CALHM4: variants seen among roughly 807,000 people sequenced by gnomAD.
CALHM4 encodes calcium homeostasis modulator protein 4.
In CALHM4, 16 loss-of-function variants were observed where a neutral mutation model predicts 13.3. The observed-to-expected ratio is 1.20, with a 90% CI of 0.81 to 1.82. CALHM4 has a LOEUF of 1.82. Among genes scored for constraint, CALHM4 ranks in the 40% most tolerant of loss-of-function variants. The pLI is 0.00. For synonymous variants in CALHM4, 127 were observed against 137.1 expected, an observed-to-expected ratio of 0.93 and a Z score of 0.52; for missense variants, 344 against 374.9, an observed-to-expected ratio of 0.92 and a Z score of 0.68.
In CALHM4 at chr6:116,538,660, T is replaced by C. The variant is rs571444867; in HGVS notation, c.-108-5105T>C. Among the ~76,000 whole-genome samples, 144 of 152,274 alleles carry C rather than the reference T, an allele frequency of 9.5e-4. 3 individuals are homozygous for C. The highest frequency in any genetic ancestry group is 9.3e-3 in the Admixed American group (142 of 15,282). On this transcript the variant is annotated intron_variant, in intron 1 of 2. Transcript: ENST00000368597. ...GAGTCAGGTTTTATTTTCCACATTA[T>C]ATAAGTTTTCAGATTATTGGTCAAT... is the stretch of plus-strand genomic sequence containing the variant.
chr6:116,547,495 G>T (rs1243484429), intron 2 of CALHM4, among the ~76,000 whole-genome samples: 1 of 152,148 alleles, frequency 6.6e-6, no homozygotes, highest in African/African-American at 2.4e-5. Context: ...CAGAGCCCCT[G>T]CCAGGTGCTA....
rs1437963823 is a variant in CALHM4, at chr6:116,560,659, G to A, written c.*2448G>A. Among the ~76,000 whole-genome samples, 1 of 146,586 alleles carries A rather than the reference G, an allele frequency of 6.8e-6. No homozygotes were observed. The highest frequency in any genetic ancestry group is 2.1e-4 in the East Asian group (1 of 4,832). On this transcript the variant is annotated 3_prime_UTR_variant, in exon 2 of 2. Transcript: ENST00000368596. ...GGAATTTTTAGTATTTTGGGGGGGG[G>A]GGGGGCTATGGTCTATAGCATTTTT...
At chr6:116,552,012 G>C (rs947537423), upstream of CALHM4, among the ~76,000 whole-genome samples, 1 of 152,120 alleles carries the variant, frequency 6.6e-6, no homozygotes, top group African/African-American at 2.4e-5. Context: ...GATTATACTT[G>C]TGCCCATCAT....
rs374037363 is a variant in CALHM4, at chr6:116,533,813, G to T, written c.-109+4623G>T. ...TCCTGCTGTGAATTGTGACTGGCAG[G>T]GCATAGAATACCCAGTGGCCTTTCC... On this transcript the variant is annotated intron_variant, in intron 1 of 2. Coordinates refer to the CALHM4 transcript ENST00000368597. Among the ~76,000 whole-genome samples the T allele has an allele frequency of 1.6e-3, 243 of 152,246 alleles. 1 individual carries two copies. The highest frequency in any genetic ancestry group is 5.6e-3 in the African/African-American group (233 of 41,562).
At chr6:116,546,582 CA>C (rs1159710742) in intron 2 of CALHM4, among the ~76,000 whole-genome samples, 2 of 152,194 alleles carry the variant, frequency 1.3e-5, no homozygotes, top group African/African-American at 4.8e-5. Flanking sequence ...GCAGCCCTAC[CA>C]TTTACTGGCT....
upstream of CALHM4, among the ~76,000 whole-genome samples, chr6:116,550,050 C>T (rs1312361081): frequency 5.0e-5 from 6 of 119,584 alleles, no homozygotes; most frequent in African/African-American, 1.9e-4. Context: ...ACACACACAT[C>T]CATAATTATA....
intron 1 of CALHM4, 80 bp downstream of exon 1, chr6:116,554,431 GC>G: frequency 8.5e-7 from 1 of 1,182,208 alleles, no homozygotes; most frequent in South Asian, 1.6e-5. Context: ...GATTCCTACT[GC>G]TTCTTATATT....
In CALHM4 at chr6:116,558,010, A is replaced by G; in HGVS notation, c.744A>G (p.Ile248Met). Reference sequence around the variant, plus strand: ...CTCGGCTCCTCATGATGCATCGCATAAAGAAGCTATTTGGCTTCATTCCCG... The same window carrying G: ...CTCGGCTCCTCATGATGCATCGCATGAAGAAGCTATTTGGCTTCATTCCCG... ...QHSRLLMMHR[I>M]KKLFGFIPGS... is the part of the protein sequence containing the mutation. Residue 248 changes from isoleucine to methionine, a missense_variant, in exon 2 of 2, where the codon ATA (isoleucine) becomes ATG (methionine). Coordinates refer to ENST00000368596, the MANE Select transcript of CALHM4 (RefSeq NM_001366078.2). 1 of 1,614,190 alleles carries G rather than the reference A, an allele frequency of 6.2e-7. No homozygotes were observed. Among genetic ancestry groups the G allele is most frequent in the Non-Finnish European group, 8.5e-7 (1 of 1,180,020 alleles).
chr6:116,559,640 A>G lies in CALHM4; in HGVS notation c.*1429A>G, dbSNP rs1774497214. Among the ~76,000 whole-genome samples, 1 of 152,174 alleles carries G rather than the reference A, an allele frequency of 6.6e-6. No homozygotes were observed. Among genetic ancestry groups the G allele is most frequent in the Admixed American group, 6.5e-5 (1 of 15,268 alleles). On this transcript the variant is annotated 3_prime_UTR_variant, in exon 2 of 2. Transcript: ENST00000368596. ...TCATCTGTCATTTGACCTTGGACAA[A>G]TCAGTCCATCTCTCTGGACCCTGGA...
At chr6:116,550,006 ATATATATATAT>A (rs1773990299), upstream of CALHM4, among the ~76,000 whole-genome samples, 1 of 139,168 alleles carries the variant, frequency 7.2e-6, no homozygotes, top group African/African-American at 2.7e-5. Context: ...ATATATATAT[ATATATATATAT>A]ATATATATAC....
Position 116,554,248 on chromosome 6 carries a change from A to G in CALHM4, c.455A>G (p.Lys152Arg). 1.3e-6 allele frequency: 2 copies of G among 1,550,676 alleles called. No homozygotes were observed. The highest frequency in any genetic ancestry group is 1.7e-6 in the Non-Finnish European group (2 of 1,147,012). ...YPMFDNVSAS[K>R]REEILAGFPC... ...ATGTTTGATAATGTCAGTGCCAGCAAACGAGAAGAGATCCTGGCTGGGTTT... is the reference window on the plus strand; with the variant it reads ...ATGTTTGATAATGTCAGTGCCAGCAGACGAGAAGAGATCCTGGCTGGGTTT... The change falls in exon 1 of 2, where the codon AAA (lysine) becomes AGA (arginine). Residue 152 changes from lysine (K) to arginine (R), a missense_variant. Transcript: ENST00000368596.
At chr6:116,540,712 T>G (rs1376421858) in intron 1 of CALHM4, among the ~76,000 whole-genome samples, 2 of 152,028 alleles carry the variant, frequency 1.3e-5, no homozygotes, top group Non-Finnish European at 2.9e-5. Flanking sequence ...AATCAAGACT[T>G]GCCCAAAGTT....
chr6:116,558,395 T>C lies in CALHM4; in HGVS notation c.*184T>C, dbSNP rs1444616791. 6.6e-6 allele frequency: 5 copies of C among 763,286 alleles called. No homozygotes were observed. The highest frequency in any genetic ancestry group is 9.7e-6 in the Non-Finnish European group (5 of 513,242). The allele number at this position is 763,286 out of a possible 1,614,324, so 47.3% of individuals were successfully genotyped here. A position where few individuals can be genotyped will look rare whatever the true frequency, so the allele number is the denominator to read the frequency against. On this transcript the variant is annotated 3_prime_UTR_variant, in exon 2 of 2. Transcript: ENST00000368596. ...AGATAATTGTGCCAATCTCTCATTT[T>C]GAAATTTTGCCAATGGTCTGGTAAT...
rs4245487 is a variant in CALHM4, at chr6:116,559,676, C to A, written c.*1465C>A. On this transcript the variant is annotated 3_prime_UTR_variant, in exon 2 of 2. Transcript: ENST00000368596. ...TCTCTGGACCCTGGATTTTTTTCAT[C>A]TATACAATAAAAGGGATGATAATAT... Among the ~76,000 whole-genome samples the A allele has an allele frequency of 0.38, 56,975 of 151,804 alleles. 12,348 individuals carry two copies. Among genetic ancestry groups the A allele is most frequent in the East Asian group, 0.54 (2,789 of 5,158 alleles).
In CALHM4 at chr6:116,540,278, T is replaced by C. The variant is rs571404479; in HGVS notation, c.-108-3487T>C. ...CCTAACAATGAATGCAGATGGAACC[T>C]GTCCAATCTGAACAGAAAACCACCA... is the stretch of plus-strand genomic sequence containing the variant. On this transcript the variant is annotated intron_variant, in intron 1 of 2. Transcript: ENST00000368597. 5 of 1,251,680 alleles carry C rather than the reference T, an allele frequency of 4.0e-6. No individual in the cohort carries two copies. In the South Asian group the frequency reaches 7.0e-5, roughly 18 times the overall value. 77.5% of individuals were successfully genotyped at this position (1,251,680 alleles called of 1,614,324 possible).
At chr6:116,529,441 C>T (rs2115183280) in intron 1 of CALHM4, among the ~76,000 whole-genome samples, 1 of 152,300 alleles carries the variant, frequency 6.6e-6, no homozygotes, top group East Asian at 1.9e-4. Context: ...GGGGTAGCCT[C>T]CATGCACCCT....
At chr6:116,556,186 G>C (rs183850426) in intron 1 of CALHM4, among the ~76,000 whole-genome samples, 57 of 152,298 alleles carry the variant, frequency 3.7e-4, no homozygotes, top group Non-Finnish European at 5.7e-4. Flanking sequence ...CCTCTGGGAA[G>C]TATTCCCTGA....
At position 116,554,300 on chromosome 6, in the gene CALHM4, C is replaced by T. The variant is rs768212277; in HGVS notation, c.507C>T (p.Asp169=). 10 of 1,549,726 alleles carry T rather than the reference C, an allele frequency of 6.5e-6. No individual in the cohort carries two copies. Among genetic ancestry groups the T allele is most frequent in the East Asian group, 2.4e-5 (1 of 40,944 alleles). ...CATGTTGCAGATCAGCTCCTTCTGA[C>T]GTGATCCTAGTAAGAGATGAAATAG... ...GFPCCRSAPS[D]VILVRDEIAL... is the part of the protein sequence containing the mutation. The change falls in exon 1 of 2, where the codon GAC becomes GAT. Residue 169 remains aspartate, a synonymous_variant. Coordinates refer to ENST00000368596, the MANE Select transcript of CALHM4 (RefSeq NM_001366078.2).
rs1371363553 is a variant in CALHM4 at position 116,554,096 on chromosome 6, C to A, written c.303C>A (p.Cys101Ter). Residue 101 changes from cysteine to a stop codon, truncating the protein, a stop_gained, in exon 1 of 2, where the codon TGC becomes TGA. Coordinates refer to ENST00000368596, the MANE Select transcript of CALHM4 (RefSeq NM_001366078.2). LOFTEE classifies it high-confidence loss of function. ...RISPLECKLA[C>*]LRFFSITGRA... ...GCCCCCTAGAGTGCAAGCTGGCTTG[C>A]CTTAGGTTCTTCAGCATCACTGGGA... The A allele has an allele frequency of 1.9e-6, 3 of 1,550,462 alleles. No homozygotes were observed. The Admixed American group carries it at 5.9e-5, about 30-fold the overall frequency.
Sources: allele counts gnomAD v4.1 joint callset (sites outside exome capture counted in the v4.1 genomes callset), GRCh38; gene constraint gnomAD v4.1.1; transcripts MANE v1.5; gene names NCBI Gene and HGNC (gene_info 2026-07-23, HGNC 2026-07-21).